Variants in KANSL1 observed in about 807,000 individuals in gnomAD.
The protein encoded by KANSL1 is KAT8 regulatory NSL complex subunit 1.
A neutral mutation model predicts 103.6 loss-of-function variants in KANSL1; 22 were observed. The ratio of observed to expected loss-of-function variants is 0.21; its 90% confidence interval spans 0.15 to 0.30. KANSL1 has a LOEUF of 0.30. KANSL1 is among the 10% of genes least tolerant of loss of function. The pLI is 1.00. For synonymous variants in KANSL1, 600 were observed against 527.6 expected (o/e 1.14, Z -1.88); for missense variants, 1,337 against 1,399.8 (o/e 0.96, Z 0.72).
In KANSL1 at chr17:46,171,455, T is replaced by A; in HGVS notation, c.689A>T (p.Asn230Ile). ...TTCCATGGAATTGACAGAGGATTTG[T>A]TTGCAGTGCTATTATTGCTATACAA... ...TTLYSNNSTA[N>I]KSSVNSMEQP... Residue 230 changes from asparagine (N) to isoleucine (I), a missense_variant, in exon 2 of 15, where the codon AAC becomes ATC. Physicochemically the swap from Asn to Ile is moderately radical, Grantham distance 149. Around this residue, in one of 2 missense-constraint regions of KANSL1, gnomAD observed 557 missense variants for 476.4 expected, o/e 1.17. Transcript: ENST00000432791. The A allele has an allele frequency of 6.2e-7, 1 of 1,614,154 alleles. No individual in the cohort carries two copies. Among genetic ancestry groups the A allele is most frequent in the Non-Finnish European group, 8.5e-7 (1 of 1,180,022 alleles).
At chr17:46,126,926 A>G (rs1423040654) in intron 2 of KANSL1, among the ~76,000 whole-genome samples, 5 of 147,444 alleles carry the variant, frequency 3.4e-5, no homozygotes, top group Non-Finnish European at 7.7e-5. Context: ...TCATTAGCCA[A>G]ACTGTAACCA....
chr17:46,143,895 G>A (rs16940937), intron 2 of KANSL1, among the ~76,000 whole-genome samples: 4,447 of 151,550 alleles, frequency 0.029, 182 homozygotes, highest in African/African-American at 0.09. Flanking sequence ...AGTGATATCC[G>A]AGGACCACAG....
At chr17:46,207,312 C>T (rs1049776386) in intron 1 of KANSL1, among the ~76,000 whole-genome samples, 2 of 152,158 alleles carry the variant, frequency 1.3e-5, no homozygotes, top group Admixed American at 6.5e-5. Flanking sequence ...GAGTTCAAGA[C>T]CAACCTGGCC....
intron 4 of KANSL1, among the ~76,000 whole-genome samples, chr17:46,076,966 A>T (rs983826089): frequency 1.6e-4 from 25 of 152,184 alleles, no homozygotes; most frequent in African/African-American, 6.0e-4. Context: ...ATATCTTCAA[A>T]TACAAGCAGT....
chr17:46,129,396 G>C (rs1329165730), intron 2 of KANSL1, among the ~76,000 whole-genome samples: 1 of 152,182 alleles, frequency 6.6e-6, no homozygotes, highest in African/African-American at 2.4e-5. Context: ...CCACCTGTCT[G>C]AAAATGGAAC....
intron 2 of KANSL1, among the ~76,000 whole-genome samples, chr17:46,167,859 GA>G (rs1299396213): frequency 6.6e-6 from 1 of 152,128 alleles, no homozygotes; most frequent in Non-Finnish European, 1.5e-5. Flanking sequence ...AGGTGGGAAA[GA>G]AAAAAACAAT....
At chr17:46,094,752 C>G (rs757030308) in intron 2 of KANSL1, 51 bp from the exon 3 acceptor site, 1 of 1,606,454 alleles carries the variant, frequency 6.2e-7, no homozygotes. Flanking sequence ...AATATCTATA[C>G]CAGATTGGGG....
chr17:46,032,560 G>T (rs886818842), intron 13 of KANSL1: 5 of 420,076 alleles, frequency 1.2e-5, no homozygotes, highest in African/African-American at 8.2e-5. Context: ...GGAGGTTAGG[G>T]AGATTCGTGT....
chr17:46,196,143 T>C (rs879727502), upstream of KANSL1: 17 of 360,182 alleles, frequency 4.7e-5, no homozygotes, highest in Non-Finnish European at 8.6e-5. Flanking sequence ...CTCCAGAAGC[T>C]GAGGGGATTG....
At chr17:46,107,428 C>A (rs946807920) in intron 2 of KANSL1, among the ~76,000 whole-genome samples, 3 of 151,588 alleles carry the variant, frequency 2.0e-5, no homozygotes, top group African/African-American at 7.2e-5. Flanking sequence ...GTCCTTACCA[C>A]CCTTGATCCA....
At chr17:46,126,575 T>C (rs1020037995) in intron 2 of KANSL1, among the ~76,000 whole-genome samples, 1 of 152,166 alleles carries the variant, frequency 6.6e-6, no homozygotes, top group Non-Finnish European at 1.5e-5. Flanking sequence ...TTTTGGCAAA[T>C]AAAGGGGGGC....
chr17:46,038,477 C>G, intron 10 of KANSL1, 61 bp downstream of exon 10: 1 of 1,577,544 alleles, frequency 6.3e-7, no homozygotes, highest in South Asian at 1.2e-5. Context: ...TCCTCTGGAG[C>G]CACTTGAGTG....
In KANSL1 at chr17:46,167,833, CTG is replaced by C. The variant is rs528857828; in HGVS notation, c.1289+3020_1289+3021del. Among the ~76,000 whole-genome samples the C allele has an allele frequency of 4.6e-5, 7 of 152,344 alleles. No homozygotes were observed. In the East Asian group the frequency reaches 1.3e-3, roughly 29 times the overall value. ...TGTACCAACGACACAGAATGGATCA[CTG>C]TTTCTCCTCTGGGAGGTGGGAAAGA... On this transcript the variant is annotated intron_variant, in intron 2 of 14. Coordinates refer to ENST00000432791, the MANE Select transcript of KANSL1 (RefSeq NM_015443.4).
intron 2 of KANSL1, among the ~76,000 whole-genome samples, chr17:46,100,539 C>G (rs1212209381): frequency 1.3e-5 from 2 of 151,620 alleles, no homozygotes. Context: ...GTTCAGCTTA[C>G]ATGTTGGCTA....
intron 2 of KANSL1, among the ~76,000 whole-genome samples, chr17:46,169,039 C>T (rs2532278): frequency 2.0e-4 from 31 of 152,208 alleles, no homozygotes; most frequent in African/African-American, 6.7e-4. Context: ...GAAAACAATA[C>T]GCTTATAGTG....
At chr17:46,061,717 G>C (rs2316951) in intron 6 of KANSL1, among the ~76,000 whole-genome samples, 21,798 of 152,180 alleles carry the variant, frequency 0.14, 2,130 homozygotes, top group Non-Finnish European at 0.22. Context: ...AGAGGCCTTA[G>C]ACTATTATCT....
intron 10 of KANSL1, chr17:46,037,367 T>C (rs1161059601): frequency 1.3e-5 from 2 of 152,220 alleles, no homozygotes; most frequent in Non-Finnish European, 2.9e-5. Context: ...AAAGAGACCA[T>C]TTGGAAAAGA....
At chr17:46,081,463 A>C (rs754124261) in intron 4 of KANSL1, among the ~76,000 whole-genome samples, 1 of 152,210 alleles carries the variant, frequency 6.6e-6, no homozygotes, top group African/African-American at 2.4e-5. Context: ...TCTGCTCTTT[A>C]ATTTATTCAA....
At position 46,189,245 on chromosome 17, in the gene KANSL1, C is replaced by G. The variant is rs114054900; in HGVS notation, c.-90+3578G>C. On this transcript the variant is annotated intron_variant, in intron 1 of 14. Transcript: ENST00000432791. ...CCTCGTCTCTAAAATGAAAAAGAAA[C>G]AAAATCTCTAAACCACTCAATAAGA... Among the ~76,000 whole-genome samples, 1,408 of 151,964 alleles carry G rather than the reference C, an allele frequency of 9.3e-3. 20 individuals are homozygous for G. The highest frequency in any genetic ancestry group is 0.032 in the African/African-American group (1,325 of 41,358).
Sources: gnomAD v4.1 joint callset for allele counts (sites outside exome capture counted in the v4.1 genomes callset) on GRCh38, gnomAD v4.1.1 for gene constraint, gnomAD v4.1.1 regional missense constraint, MANE v1.5 for transcripts, NCBI Gene and HGNC (gene_info 2026-07-23, HGNC 2026-07-21) for gene names.